MYH15: variants seen among roughly 807,000 people sequenced by gnomAD.
MYH15 encodes myosin heavy chain 15.
In MYH15, 227 loss-of-function variants were observed where a neutral mutation model predicts 240.5. The observed-to-expected ratio is 0.94, with a 90% CI of 0.85 to 1.05. MYH15 has a LOEUF of 1.05. MYH15 is among the 50% of genes least tolerant of loss of function. MYH15 has a pLI of 0.00. For missense variants in MYH15, 2,217 were observed against 2,247.5 expected (o/e 0.99, Z 0.27); for synonymous variants, 785 against 796.7 (o/e 0.99, Z 0.25).
intron 1 of MYH15, among the ~76,000 whole-genome samples, chr3:108,526,770 C>G (rs1334394338): frequency 2.0e-5 from 3 of 152,102 alleles, no homozygotes; most frequent in Non-Finnish European, 4.4e-5. Flanking sequence ...CCCATCTGAT[C>G]GATGTTGCAA....
Position 108,437,692 on chromosome 3 carries a change from C to G in MYH15, c.3083G>C (p.Gly1028Ala), listed in dbSNP as rs367902528. 31 of 1,610,618 alleles carry G rather than the reference C, an allele frequency of 1.9e-5. No homozygotes were observed. The African/African-American group carries it at 4.2e-4, about 22-fold the overall frequency. ...KLEQQVDELEGALEQERKARM... is the reference protein window; with the variant it reads ...KLEQQVDELEAALEQERKARM... ...CGCTTTTCTCTCCTGCTCAAGGGCA[C>G]CCTCAAGCTGACAAAAGGAAACATT... The change falls in exon 25 of 41, where the codon GGT becomes GCT. Residue 1028 changes from glycine to alanine, a missense_variant. Transcript: ENST00000693548.
chr3:108,549,683 A>G, the MYH15 span, among the ~76,000 whole-genome samples: 1 of 152,142 alleles, frequency 6.6e-6, no homozygotes, highest in Non-Finnish European at 1.5e-5. Context: ...CAAGTGCTCA[A>G]TGGCCACTTT....
chr3:108,410,708 G>A lies in MYH15; in HGVS notation c.4370C>T (p.Ala1457Val), dbSNP rs763787418. 30 of 1,614,128 alleles carry A rather than the reference G, an allele frequency of 1.9e-5. No individual in the cohort carries two copies. The East Asian group carries it at 4.5e-4, about 24-fold the overall frequency. ...DWKQKHEESQALLDASQKEVQ... is the reference protein window; with the variant it reads ...DWKQKHEESQVLLDASQKEVQ... Reference sequence around the variant, plus strand: ...TTCCTTCTGAGAGGCATCCAGCAACGCCTGGGACTCCTCGTGCTTCTGCTT... The same window carrying A: ...TTCCTTCTGAGAGGCATCCAGCAACACCTGGGACTCCTCGTGCTTCTGCTT... Residue 1457 changes from alanine to valine, a missense_variant, in exon 31 of 41, where the codon GCG (alanine) becomes GTG (valine). Ala to Val is a moderately conservative substitution (Grantham distance 64, BLOSUM62 0). Coordinates refer to ENST00000693548, the MANE Select transcript of MYH15 (RefSeq NM_014981.3).
the MYH15 span, among the ~76,000 whole-genome samples, chr3:108,537,077 G>A: frequency 1.3e-5 from 2 of 152,196 alleles, no homozygotes; most frequent in Non-Finnish European, 1.5e-5. Flanking sequence ...TGAGTCAGGA[G>A]AGAGGCAGGC....
At chr3:108,500,640 G>A (rs2083429419) in intron 3 of MYH15, among the ~76,000 whole-genome samples, 1 of 152,126 alleles carries the variant, frequency 6.6e-6, no homozygotes, top group Non-Finnish European at 1.5e-5. Context: ...TGATTTTTAG[G>A]GCACTGAGAA....
chr3:108,403,482 A>G (rs1196751069), intron 33 of MYH15, among the ~76,000 whole-genome samples: 1 of 141,880 alleles, frequency 7.0e-6, no homozygotes, highest in African/African-American at 2.6e-5. Flanking sequence ...GATTGCTTGG[A>G]ATCTTGTGTT....
Position 108,410,595 on chromosome 3 carries a change from T to C in MYH15, c.4483A>G (p.Lys1495Glu). The change falls in exon 31 of 41, where the codon AAG becomes GAG. Residue 1495 changes from lysine (K) to glutamate (E), a missense_variant. Coordinates refer to ENST00000693548, the MANE Select transcript of MYH15 (RefSeq NM_014981.3). Reference protein sequence around the residue: ...VGQETLRRENKNLQEEISNLT... With the variant: ...VGQETLRRENENLQEEISNLT... ...CAGCTCGGTGTACCTTGGAGGTTCT[T>C]GTTCTCCCTCCTGAGTGTCTCCTGG... The C allele has an allele frequency of 6.3e-7, 1 of 1,591,128 alleles. No individual in the cohort carries two copies. The highest frequency in any genetic ancestry group is 2.3e-5 in the East Asian group (1 of 44,286).
chr3:108,532,530 T>C (rs146976342), upstream of MYH15, among the ~76,000 whole-genome samples: 5 of 152,276 alleles, frequency 3.3e-5, no homozygotes, highest in African/African-American at 1.2e-4. Flanking sequence ...ACACATTGGC[T>C]CTCTTGTATT....
At chr3:108,524,200 T>G (rs1455488963) in intron 1 of MYH15, among the ~76,000 whole-genome samples, 1 of 152,072 alleles carries the variant, frequency 6.6e-6, no homozygotes. Flanking sequence ...CCTGCATTAC[T>G]GACAGTAATA....
chr3:108,504,158 G>A (rs374473306), intron 2 of MYH15, among the ~76,000 whole-genome samples: 2 of 152,188 alleles, frequency 1.3e-5, no homozygotes, highest in African/African-American at 2.4e-5. Flanking sequence ...GAGGAAAGAA[G>A]GGGGAGTGAC....
chr3:108,518,707 C>T (rs1478498716), intron 1 of MYH15, among the ~76,000 whole-genome samples: 1 of 152,144 alleles, frequency 6.6e-6, no homozygotes, highest in Non-Finnish European at 1.5e-5. Flanking sequence ...TCATGTGACC[C>T]CTGCCGGGAA....
chr3:108,421,293 G>T (rs879892204), intron 27 of MYH15, 79 bp from the exon 28 acceptor site: 6 of 1,517,212 alleles, frequency 4.0e-6, no homozygotes, highest in African/African-American at 1.4e-5. Context: ...GAGGGGAGGA[G>T]TGGCTCCAGG....
rs1331575281 is a variant in MYH15, at chr3:108,398,933, A to T, written c.4930-93T>A. On this transcript the variant is annotated intron_variant, in intron 34 of 40. Coordinates refer to ENST00000693548, the MANE Select transcript of MYH15 (RefSeq NM_014981.3). ...ATGCATGATCTGACTATATATTTAG[A>T]CATAAGCATGCTCCTTCTCTCTGGA... 3.4e-6 allele frequency: 5 copies of T among 1,453,312 alleles called. No homozygotes were observed. The East Asian group carries it at 9.1e-5, about 27-fold the overall frequency. The allele number at this position is 1,453,312 out of a possible 1,614,324, so 90.0% of individuals were successfully genotyped here.
chr3:108,450,812 C>T lies in MYH15; in HGVS notation c.2399+3194G>A, dbSNP rs533201598. On this transcript the variant is annotated intron_variant, in intron 21 of 40. Transcript: ENST00000693548. The stretch of plus-strand genomic sequence containing the variant: ...AACATCAGATTATACGCCATATATA[C>T]AATTTTTGTCAATGATAACTGAATA... 5.9e-5 allele frequency among the ~76,000 whole-genome samples: 9 copies of T among 151,532 alleles called. No homozygotes were observed. The East Asian group carries it at 1.4e-3, about 23-fold the overall frequency.
chr3:108,399,604 G>A (rs1384063698), intron 33 of MYH15, among the ~76,000 whole-genome samples: 2 of 152,168 alleles, frequency 1.3e-5, no homozygotes, highest in Non-Finnish European at 2.9e-5. Context: ...AAGCACCTGG[G>A]TTTCCTGTGG....
intron 9 of MYH15, among the ~76,000 whole-genome samples, chr3:108,491,286 C>T (rs922518070): frequency 5.3e-5 from 8 of 152,166 alleles, no homozygotes; most frequent in Non-Finnish European, 1.2e-4. Flanking sequence ...CACTGTACCC[C>T]CTATGATTAA....
intron 35 of MYH15, among the ~76,000 whole-genome samples, chr3:108,395,378 T>C (rs909041617): frequency 6.6e-6 from 1 of 152,240 alleles, no homozygotes; most frequent in African/African-American, 2.4e-5. Context: ...TTTGTCCTTA[T>C]GGAAAGCCAG....
chr3:108,523,072 A>T (rs1386916889), intron 1 of MYH15, among the ~76,000 whole-genome samples: 1 of 152,136 alleles, frequency 6.6e-6, no homozygotes, highest in Admixed American at 6.6e-5. Context: ...TACTTGTTAC[A>T]ATGTAAGATC....
the MYH15 span, among the ~76,000 whole-genome samples, chr3:108,548,219 C>A: frequency 1.3e-5 from 2 of 151,872 alleles, no homozygotes. Flanking sequence ...AAAGCAAGAC[C>A]CAATTCTATT....
Sources: allele counts gnomAD v4.1 joint callset (sites outside exome capture counted in the v4.1 genomes callset), GRCh38; gene constraint gnomAD v4.1.1; transcripts MANE v1.5; gene names NCBI Gene and HGNC (gene_info 2026-07-23, HGNC 2026-07-21).